NSD3: variants seen among roughly 807,000 people sequenced by gnomAD.
NSD3 encodes the protein histone-lysine N-methyltransferase NSD3.
In NSD3, 24 loss-of-function variants were observed where a neutral mutation model predicts 160.8. The observed-to-expected ratio is 0.15, with a 90% confidence interval of 0.11 to 0.21. The LOEUF is 0.21. NSD3 is among the 10% of genes least tolerant of loss of function. The pLI, the probability that NSD3 is intolerant of heterozygous loss-of-function variation, is 1.00. For synonymous variants in NSD3, 520 were observed against 600.0 expected, an observed-to-expected ratio of 0.87 and a Z score of 1.95; for missense variants, 1,157 against 1,735.9, an observed-to-expected ratio of 0.67 and a Z score of 5.93.
At chr8:38,365,198 C>T (rs540704497) in intron 1 of NSD3, among the ~76,000 whole-genome samples, 2 of 152,310 alleles carry the variant, frequency 1.3e-5, no homozygotes, top group Admixed American at 6.5e-5. Flanking sequence ...ATCACCCACA[C>T]CAACACTGCC....
chr8:38,320,863 A>C (rs910572640), intron 8 of NSD3: 1 of 415,296 alleles, frequency 2.4e-6, no homozygotes, highest in Non-Finnish European at 4.2e-6. Context: ...CCATCTCCTG[A>C]AACCTGTTTT....
At chr8:38,296,275 A>G (rs1809136415) in intron 15 of NSD3, among the ~76,000 whole-genome samples, 1 of 152,218 alleles carries the variant, frequency 6.6e-6, no homozygotes, top group African/African-American at 2.4e-5. Flanking sequence ...GAAGCATAAA[A>G]TCTTTTGACT....
intron 17 of NSD3, 101 bp downstream of exon 17, chr8:38,290,374 G>A (rs1808973598): frequency 8.0e-7 from 1 of 1,247,332 alleles, no homozygotes; most frequent in African/African-American, 1.5e-5. Flanking sequence ...AATGTCTAGT[G>A]AAAATTCTCT....
intron 4 of NSD3, among the ~76,000 whole-genome samples, chr8:38,333,017 G>A (rs1810104042): frequency 6.6e-6 from 1 of 151,996 alleles, no homozygotes; most frequent in Non-Finnish European, 1.5e-5. Flanking sequence ...ATTAGTCAAA[G>A]AAGATTTATC....
At position 38,316,803 on chromosome 8, in the gene NSD3, T is replaced by C; in HGVS notation, c.1856-761A>G. On this transcript the variant is annotated intron_variant, in intron 9 of 23. Transcript: ENST00000317025. This position sits in a 1 kb window ranked among gnomAD's most constrained non-coding sequence, Gnocchi z 4.5. ...AGGAAAAAAAAGGCAGAGAATAGTG[T>C]GGAATTGTTTTTTTTAAAACTGTGT... 2 of 1,061,200 alleles carry C rather than the reference T, an allele frequency of 1.9e-6. No individual in the cohort carries two copies. The highest frequency in any genetic ancestry group is 2.3e-6 in the Non-Finnish European group (2 of 876,546). 65.7% of individuals were successfully genotyped at this position (1,061,200 alleles called of 1,614,324 possible). A position where few individuals can be genotyped will look rare whatever the true frequency, so the allele number is the denominator to read the frequency against.
intron 3 of NSD3, among the ~76,000 whole-genome samples, chr8:38,337,719 A>C (rs1156475045): frequency 1.3e-5 from 2 of 152,096 alleles, no homozygotes; most frequent in Non-Finnish European, 2.9e-5. Context: ...CAAAAAAAGA[A>C]ACTAGATATA....
chr8:38,352,352 C>T (rs569809799), intron 1 of NSD3, among the ~76,000 whole-genome samples: 7 of 151,782 alleles, frequency 4.6e-5, no homozygotes, highest in African/African-American at 1.4e-4. Context: ...GTATGTATTG[C>T]TTTACATTGG....
At position 38,319,108 on chromosome 8, in the gene NSD3, G is replaced by C. The variant is rs928819371; in HGVS notation, c.1810-168C>G. ...TAAAGTTCTCTGTCTCAAGATCAGG[G>C]AGGGTTTAAATCCTAGCTGCCTGTG... On this transcript the variant is annotated intron_variant, in intron 8 of 23. Coordinates refer to ENST00000317025, the MANE Select transcript of NSD3 (RefSeq NM_023034.2). This position sits in a 1 kb window ranked among gnomAD's most constrained non-coding sequence, Gnocchi z 4.1. The C allele has an allele frequency of 3.2e-6, 2 of 630,868 alleles. No homozygotes were observed. Among genetic ancestry groups the C allele is most frequent in the Non-Finnish European group, 5.5e-6 (2 of 362,392 alleles). The allele number at this position is 630,868 out of a possible 1,614,324, so 39.1% of individuals were successfully genotyped here.
intron 1 of NSD3, among the ~76,000 whole-genome samples, chr8:38,352,403 T>C (rs998642701): frequency 6.6e-6 from 1 of 152,200 alleles, no homozygotes; most frequent in Non-Finnish European, 1.5e-5. Flanking sequence ...ATTTTCTTAG[T>C]GTCACCTCAG....
At chr8:38,281,218 T>G (rs888208224) in intron 20 of NSD3, among the ~76,000 whole-genome samples, 3 of 152,174 alleles carry the variant, frequency 2.0e-5, no homozygotes, top group African/African-American at 7.2e-5. Flanking sequence ...AATCCAGATA[T>G]GCTAACCCTG....
intron 3 of NSD3, 183 bp from the exon 4 acceptor site, chr8:38,337,650 T>C: frequency 2.6e-6 from 1 of 391,022 alleles, no homozygotes; most frequent in East Asian, 3.8e-5. Context: ...ATGCTAACAA[T>C]GTAATTTTAT....
At chr8:38,297,037 G>A (rs2131002094) in intron 15 of NSD3, among the ~76,000 whole-genome samples, 1 of 152,246 alleles carries the variant, frequency 6.6e-6, no homozygotes, top group East Asian at 1.9e-4. Context: ...GTTTGATTCT[G>A]TACAAATGTG....
intron 1 of NSD3, among the ~76,000 whole-genome samples, chr8:38,376,831 C>T (rs1811401832): frequency 6.6e-6 from 1 of 152,224 alleles, no homozygotes; most frequent in African/African-American, 2.4e-5. Flanking sequence ...CTTCCATAGG[C>T]CTCAGTTTTC....
At chr8:38,324,892 G>A (rs749349753) in intron 7 of NSD3, among the ~76,000 whole-genome samples, 3 of 152,186 alleles carry the variant, frequency 2.0e-5, no homozygotes, top group Non-Finnish European at 2.9e-5. Flanking sequence ...CTGAACACAC[G>A]AAGGTGCCTG....
intron 12 of NSD3, among the ~76,000 whole-genome samples, chr8:38,307,594 T>C (rs1411175296): frequency 2.0e-5 from 3 of 152,190 alleles, no homozygotes; most frequent in African/African-American, 7.2e-5. Flanking sequence ...ACTATGACTA[T>C]ATGTATACTA....
At chr8:38,333,792 G>T (rs962566277) in intron 4 of NSD3, among the ~76,000 whole-genome samples, 1 of 152,178 alleles carries the variant, frequency 6.6e-6, no homozygotes, top group East Asian at 1.9e-4. Flanking sequence ...GCGTGAACCC[G>T]GGAAGCGGAG....
chr8:38,340,369 C>T (rs1219371131), intron 2 of NSD3, among the ~76,000 whole-genome samples: 3 of 152,160 alleles, frequency 2.0e-5, no homozygotes, highest in Non-Finnish European at 4.4e-5. Context: ...GAGTCTTACT[C>T]TGCTGTTGCC....
intron 22 of NSD3, among the ~76,000 whole-genome samples, chr8:38,277,987 G>A (rs1808640523): frequency 6.7e-6 from 1 of 149,876 alleles, no homozygotes; most frequent in Non-Finnish European, 1.5e-5. Flanking sequence ...CACCCAGGCT[G>A]GAGTGCAGTG....
At chr8:38,375,941 T>C (rs1404626053) in intron 1 of NSD3, among the ~76,000 whole-genome samples, 1 of 152,114 alleles carries the variant, frequency 6.6e-6, no homozygotes, top group East Asian at 1.9e-4. Flanking sequence ...CAAGACTATC[T>C]TTTTGTTTTA....
Sources: gnomAD v4.1 joint callset for allele counts (sites outside exome capture counted in the v4.1 genomes callset) on GRCh38, gnomAD v4.1.1 for gene constraint, Gnocchi (gnomAD v3.1) non-coding constraint, MANE v1.5 for transcripts, NCBI Gene and HGNC (gene_info 2026-07-23, HGNC 2026-07-21) for gene names.